UGT3A2: variants seen among roughly 807,000 people sequenced by gnomAD.
UGT3A2 encodes UDP-glycosyltransferase 3A2.
Under a neutral mutation model 39.8 loss-of-function variants are expected in UGT3A2, and 32 were observed. The ratio of observed to expected loss-of-function variants is 0.80; its 90% CI spans 0.61 to 1.08. The LOEUF (loss-of-function observed/expected upper bound fraction) is 1.08. Ranked by LOEUF, UGT3A2 falls within the 50% of genes least tolerant of loss-of-function variation. The pLI is 0.00. For synonymous variants in UGT3A2, 241 were observed against 230.7 expected, an observed-to-expected ratio of 1.04 and a Z score of -0.40; for missense variants, 611 against 637.1, an observed-to-expected ratio of 0.96 and a Z score of 0.44.
chr5:36,044,887 T>A (rs1742119735), intron 4 of UGT3A2, among the ~76,000 whole-genome samples: 1 of 152,216 alleles, frequency 6.6e-6, no homozygotes, highest in South Asian at 2.1e-4. Flanking sequence ...AGAATCAATA[T>A]TGTTAAAATG....
At position 36,035,772 on chromosome 5, in the gene UGT3A2, G is replaced by A. The variant is rs900483448; in HGVS notation, c.1498C>T (p.Leu500=). 6.2e-7 allele frequency: 1 copy of A among 1,614,124 alleles called. No individual in the cohort carries two copies. The highest frequency in any genetic ancestry group is 2.2e-5 in the East Asian group (1 of 44,852). Residue 500 remains leucine (L), a synonymous_variant, in exon 7 of 7, where the codon CTA becomes TTA. Transcript: ENST00000282507. The part of the protein sequence containing the change: ...VFLLGLTLGT[L]WLCGKLLGMA... ...CCCAGCAGCTTCCCACAAAGCCATA[G>A]AGTCCCCAGAGTGAGCCCCAGCAGA...
intron 4 of UGT3A2, among the ~76,000 whole-genome samples, chr5:36,040,715 C>T (rs1054534219): frequency 5.3e-5 from 8 of 152,168 alleles, no homozygotes; most frequent in Non-Finnish European, 1.0e-4. Flanking sequence ...GACCAAGCAC[C>T]GCAGGCTAAA....
chr5:36,064,127 A>C, intron 2 of UGT3A2, 122 bp downstream of exon 2: 1 of 911,226 alleles, frequency 1.1e-6, no homozygotes, highest in Middle Eastern at 3.1e-4. Flanking sequence ...ACACACACAC[A>C]AGCTTTTCAT....
chr5:36,040,515 C>G (rs1741974294), intron 4 of UGT3A2, among the ~76,000 whole-genome samples: 1 of 152,164 alleles, frequency 6.6e-6, no homozygotes, highest in Non-Finnish European at 1.5e-5. Flanking sequence ...GGTGCAGAGA[C>G]AGAATCTGTG....
intron 1 of UGT3A2, among the ~76,000 whole-genome samples, chr5:36,064,893 T>C (rs959456019): frequency 6.6e-6 from 1 of 152,128 alleles, no homozygotes; most frequent in Non-Finnish European, 1.5e-5. Flanking sequence ...CTACTTAGAA[T>C]CCAAATCCTT....
At chr5:36,054,254 A>T (rs554253503) in intron 2 of UGT3A2, among the ~76,000 whole-genome samples, 7 of 152,218 alleles carry the variant, frequency 4.6e-5, no homozygotes, top group African/African-American at 1.7e-4. Context: ...ATCTGCAAAG[A>T]TCCTTTTGCC....
At position 36,061,397 on chromosome 5, in the gene UGT3A2, C is replaced by G. The variant is rs1408375230; in HGVS notation, c.196+2852G>C. Among the ~76,000 whole-genome samples the G allele has an allele frequency of 4.0e-5, 4 of 100,238 alleles. No individual in the cohort carries two copies. In the East Asian group the frequency reaches 1.1e-3, roughly 28 times the overall value. The allele number at this position is 100,238 out of a possible 152,430, so 65.8% of individuals were successfully genotyped here. On this transcript the variant is annotated intron_variant, in intron 2 of 6. Coordinates refer to ENST00000282507, the MANE Select transcript of UGT3A2 (RefSeq NM_174914.4). ...CAATGCTATCCCTCCCCCCTCCCCC[C>G]ACCCCACAACAGTCCCCAGAGTGTG...
chr5:36,066,319 CCA>C (rs1039729046), intron 1 of UGT3A2, among the ~76,000 whole-genome samples: 1 of 152,136 alleles, frequency 6.6e-6, no homozygotes, highest in African/African-American at 2.4e-5. Context: ...TACTGTGCAC[CCA>C]CACACACGCA....
At chr5:36,061,410 T>TC (rs1299232473) in intron 2 of UGT3A2, among the ~76,000 whole-genome samples, 2 of 103,922 alleles carry the variant, frequency 1.9e-5, no homozygotes, top group Non-Finnish European at 3.5e-5. Context: ...CCCACAACAG[T>TC]CCCCAGAGTG....
intron 1 of UGT3A2, 44 bp from the exon 2 acceptor site, chr5:36,064,394 A>G (rs753627871): frequency 2.0e-6 from 3 of 1,515,892 alleles, no homozygotes; most frequent in Non-Finnish European, 2.7e-6. Flanking sequence ...ATGAGAATAC[A>G]GTGTCTGAAG....
At chr5:36,055,523 T>C (rs550656105) in intron 2 of UGT3A2, among the ~76,000 whole-genome samples, 1 of 152,208 alleles carries the variant, frequency 6.6e-6, no homozygotes, top group South Asian at 2.1e-4. Flanking sequence ...TGAGCCACTG[T>C]GCCCGGCCTA....
intron 6 of UGT3A2, among the ~76,000 whole-genome samples, chr5:36,036,277 G>A (rs1256499676): frequency 6.6e-6 from 1 of 152,132 alleles, no homozygotes; most frequent in Non-Finnish European, 1.5e-5. Context: ...ACATATACAT[G>A]GAGCACCTCC....
At chr5:36,052,653 C>T in intron 2 of UGT3A2, among the ~76,000 whole-genome samples, 1 of 152,116 alleles carries the variant, frequency 6.6e-6, no homozygotes, top group East Asian at 1.9e-4. Flanking sequence ...TACCCCTCCT[C>T]ACAGTAAAAA....
intron 5 of UGT3A2, 110 bp from the exon 6 acceptor site, chr5:36,038,126 G>T: frequency 8.8e-7 from 1 of 1,132,190 alleles, no homozygotes; most frequent in Non-Finnish European, 1.2e-6. Flanking sequence ...GTGTGTTGGA[G>T]ACATTGTATC....
At chr5:36,047,950 C>T (rs139366530) in intron 4 of UGT3A2, among the ~76,000 whole-genome samples, 127 of 152,328 alleles carry the variant, frequency 8.3e-4, no homozygotes, top group African/African-American at 2.8e-3. Flanking sequence ...ATTCCTAAAA[C>T]TTCCTGCCAC....
At position 36,066,760 on chromosome 5, in the gene UGT3A2, C is replaced by G. The variant is rs1224557148; in HGVS notation, c.30G>C (p.Val10=). 6.2e-7 allele frequency: 1 copy of G among 1,614,218 alleles called. No homozygotes were observed. The highest frequency in any genetic ancestry group is 8.5e-7 in the Non-Finnish European group (1 of 1,180,036). MAGQRVLLL[V]GFLLPGVLLS... is the part of the protein sequence containing the mutation. ...GCAGGACCCCAGGGAGAAGGAAGCC[C>G]ACTAGAAGAAGCACTCGCTGCCCAG... Residue 10 remains valine, a synonymous_variant, in exon 1 of 7, where the codon GTG becomes GTC. Coordinates refer to ENST00000282507, the MANE Select transcript of UGT3A2 (RefSeq NM_174914.4).
intron 4 of UGT3A2, among the ~76,000 whole-genome samples, chr5:36,047,995 C>G (rs1581005354): frequency 6.6e-6 from 1 of 152,182 alleles, no homozygotes; most frequent in South Asian, 2.1e-4. Flanking sequence ...AGGTCTTTCC[C>G]CAACTCTTCC....
At chr5:36,053,044 T>C (rs1742399125) in intron 2 of UGT3A2, among the ~76,000 whole-genome samples, 1 of 152,196 alleles carries the variant, frequency 6.6e-6, no homozygotes, top group African/African-American at 2.4e-5. Flanking sequence ...TGGCTACTCA[T>C]AGTATACTTC....
At chr5:36,046,302 C>G (rs558684218) in intron 4 of UGT3A2, among the ~76,000 whole-genome samples, 28 of 152,324 alleles carry the variant, frequency 1.8e-4, no homozygotes, top group African/African-American at 6.5e-4. Flanking sequence ...GAAGAGATAC[C>G]TGCACTTCCG....
Sources: gnomAD v4.1 joint callset for allele counts (sites outside exome capture counted in the v4.1 genomes callset) on GRCh38, gnomAD v4.1.1 for gene constraint, MANE v1.5 for transcripts, NCBI Gene and HGNC (gene_info 2026-07-23, HGNC 2026-07-21) for gene names.